The following SHISA9 variants were observed in gnomAD, a reference collection of about 807,000 sequenced individuals.
SHISA9 encodes shisa family member 9, also known as protein shisa-9.
In SHISA9, 13 loss-of-function variants were observed where a neutral mutation model predicts 38.0. That is an observed-to-expected ratio of 0.34 (90% CI 0.22 to 0.54). The LOEUF is 0.54. Among genes scored for constraint, SHISA9 ranks in the 20% least tolerant of loss-of-function variants. The pLI, the probability that SHISA9 is intolerant of heterozygous loss-of-function variation, is 0.91. For synonymous variants in SHISA9, 275 were observed against 242.0 expected (o/e 1.14, Z -1.27); for missense variants, 538 against 575.8 (o/e 0.93, Z 0.67).
chr16:13,219,889 C>T lies in SHISA9; in HGVS notation c.895+6589C>T, dbSNP rs144245652. Among the ~76,000 whole-genome samples, 408 of 152,120 alleles carry T rather than the reference C, an allele frequency of 2.7e-3. 1 individual carries two copies. Among genetic ancestry groups the T allele is most frequent in the Admixed American group, 4.1e-3 (62 of 15,264 alleles). On this transcript the variant is annotated intron_variant, in intron 4 of 4. Transcript: ENST00000558583. ...AGAAGAATCACTTGAACCCAGGAGG[C>T]GGAGGTTGCAGTGAGCCAAGATCAC...
the SHISA9 span, among the ~76,000 whole-genome samples, chr16:13,320,195 G>A: frequency 1.4e-5 from 2 of 147,414 alleles, no homozygotes; most frequent in East Asian, 4.1e-4. Context: ...GGAGGCTGAG[G>A]CAGGAGAATC....
the SHISA9 span, among the ~76,000 whole-genome samples, chr16:13,382,963 C>G: frequency 6.6e-6 from 1 of 152,180 alleles, no homozygotes; most frequent in African/African-American, 2.4e-5. Context: ...ATTGATACCT[C>G]CATGTAACTT....
chr16:13,464,663 C>T, the SHISA9 span, among the ~76,000 whole-genome samples: 9 of 152,174 alleles, frequency 5.9e-5, no homozygotes, highest in African/African-American at 2.2e-4. Flanking sequence ...TTCCCGTTTA[C>T]TACCACTACT....
chr16:13,283,405 G>T, the SHISA9 span, among the ~76,000 whole-genome samples: 1 of 152,020 alleles, frequency 6.6e-6, no homozygotes, highest in African/African-American at 2.4e-5. Context: ...CCAAGACTGC[G>T]TAATTCTAAA....
rs1393120355 is a variant in SHISA9 at position 13,238,106 on chromosome 16, G to T, written c.*2697G>T. ...CTGTGAGTCTGAACTAAAGCCTGGG[G>T]TTCTTTCTTTCTCTCTCCATCTCTC... On this transcript the variant is annotated 3_prime_UTR_variant, in exon 5 of 5. Coordinates refer to ENST00000558583, the MANE Select transcript of SHISA9 (RefSeq NM_001145204.3). 1 of 152,126 alleles carries T rather than the reference G, an allele frequency of 6.6e-6. No individual in the cohort carries two copies. The highest frequency in any genetic ancestry group is 1.5e-5 in the Non-Finnish European group (1 of 68,016). The allele number at this position is 152,126 out of a possible 1,614,324, so 9.4% of individuals were successfully genotyped here.
At chr16:13,449,514 T>G in the SHISA9 span, among the ~76,000 whole-genome samples, 1 of 152,162 alleles carries the variant, frequency 6.6e-6, no homozygotes, top group Non-Finnish European at 1.5e-5. Flanking sequence ...ATACTCTATA[T>G]CTTGATTTGA....
the SHISA9 span, among the ~76,000 whole-genome samples, chr16:13,407,780 G>C: frequency 1.3e-5 from 2 of 152,124 alleles, no homozygotes; most frequent in Non-Finnish European, 2.9e-5. Flanking sequence ...TTTCCTCCCT[G>C]ATGAAAAAAA....
intron 2 of SHISA9, among the ~76,000 whole-genome samples, chr16:13,165,619 C>T (rs1014199227): frequency 6.6e-5 from 10 of 152,162 alleles, no homozygotes; most frequent in African/African-American, 2.2e-4. Context: ...GATGCAGATT[C>T]CTCAGACCAT....
chr16:12,906,136 G>C (rs1367459528), intron 1 of SHISA9, among the ~76,000 whole-genome samples: 1 of 152,090 alleles, frequency 6.6e-6, no homozygotes, highest in Non-Finnish European at 1.5e-5. Flanking sequence ...CAGCTTCCAG[G>C]TGAAATTAAC....
chr16:13,264,298 C>A, the SHISA9 span, among the ~76,000 whole-genome samples: 4 of 151,806 alleles, frequency 2.6e-5, no homozygotes, highest in African/African-American at 9.7e-5. Context: ...CCTCAGCCTC[C>A]CAAATAGCTG....
At chr16:13,105,545 C>A (rs1208302082) in intron 2 of SHISA9, among the ~76,000 whole-genome samples, 1 of 152,198 alleles carries the variant, frequency 6.6e-6, no homozygotes, top group African/African-American at 2.4e-5. Context: ...CCCGCAGCCT[C>A]CCAATTAGAC....
At chr16:13,017,551 TATC>T (rs147033274) in intron 2 of SHISA9, among the ~76,000 whole-genome samples, 16,360 of 152,220 alleles carry the variant, frequency 0.11, 938 homozygotes, top group African/African-American at 0.13. Flanking sequence ...ACAATGATGA[TATC>T]ATCATTATCA....
intron 2 of SHISA9, among the ~76,000 whole-genome samples, chr16:13,169,570 T>A (rs892875366): frequency 8.5e-5 from 13 of 152,196 alleles, no homozygotes; most frequent in Non-Finnish European, 1.8e-4. Flanking sequence ...AAACCACAAC[T>A]CTGGCTAAAG....
At chr16:12,990,865 A>G (rs2072375770) in intron 2 of SHISA9, among the ~76,000 whole-genome samples, 1 of 152,212 alleles carries the variant, frequency 6.6e-6, no homozygotes, top group Non-Finnish European at 1.5e-5. Context: ...TATTTCACCC[A>G]TAGCTTTTCT....
rs5815730 is a variant in SHISA9, at chr16:12,955,517, CAA to C, written c.691+38712_691+38713del. Among the ~76,000 whole-genome samples, 1,227 of 149,124 alleles carry C rather than the reference CAA, an allele frequency of 8.2e-3. 11 individuals are homozygous for C. Among genetic ancestry groups the C allele is most frequent in the Middle Eastern group, 0.034 (10 of 294 alleles). On this transcript the variant is annotated intron_variant, in intron 2 of 4. Coordinates refer to ENST00000558583, the MANE Select transcript of SHISA9 (RefSeq NM_001145204.3). ...CATGAGTTATTTATTTATTATAGGC[CAA>C]AAAAAAAAATGTGAGCATGGTACTG...
chr16:13,502,565 C>T, the SHISA9 span, among the ~76,000 whole-genome samples: 28 of 152,052 alleles, frequency 1.8e-4, no homozygotes, highest in African/African-American at 6.0e-4. Context: ...TTTACCATTG[C>T]GGTATTTAAA....
At chr16:13,114,658 C>T (rs78050809) in intron 2 of SHISA9, among the ~76,000 whole-genome samples, 2,187 of 152,086 alleles carry the variant, frequency 0.014, 45 homozygotes, top group African/African-American at 0.048. Context: ...CTATTGCCTT[C>T]AACACCCCAC....
At chr16:13,556,152 C>G in the SHISA9 span, among the ~76,000 whole-genome samples, 2 of 152,212 alleles carry the variant, frequency 1.3e-5, no homozygotes, top group Non-Finnish European at 1.5e-5. Context: ...ATTTATTTCT[C>G]TCACCACACA....
At chr16:12,968,877 G>A (rs558119644) in intron 2 of SHISA9, among the ~76,000 whole-genome samples, 1 of 152,242 alleles carries the variant, frequency 6.6e-6, no homozygotes, top group South Asian at 2.1e-4. Flanking sequence ...ATAAAAATGG[G>A]AGGTGCAGGC....
Sources: allele counts gnomAD v4.1 joint callset (sites outside exome capture counted in the v4.1 genomes callset), GRCh38; gene constraint gnomAD v4.1.1; transcripts MANE v1.5; gene names NCBI Gene and HGNC (gene_info 2026-07-23, HGNC 2026-07-21).